RAB14: variants seen among roughly 807,000 people sequenced by gnomAD.
RAB14 encodes ras-related protein Rab-14.
RAB14 carries 3 observed loss-of-function variants against 31.1 expected under a neutral mutation model. The ratio of observed to expected loss-of-function variants is 0.10; its 90% CI spans 0.04 to 0.25. RAB14 has a LOEUF of 0.25. Ranked by LOEUF, RAB14 falls within the 10% of genes least tolerant of loss-of-function variation. The pLI is 1.00. For missense variants in RAB14, 111 were observed against 260.1 expected (o/e 0.43, Z 3.94); for synonymous variants, 85 against 84.9 (o/e 1.00, Z 0.00).
rs1287348001 is a variant in RAB14, at chr9:121,180,806, T to C, written c.*590A>G. 6.6e-6 allele frequency: 1 copy of C among 152,638 alleles called. No homozygotes were observed. Among genetic ancestry groups the C allele is most frequent in the African/African-American group, 2.4e-5 (1 of 41,448 alleles). 9.5% of individuals were successfully genotyped at this position (152,638 alleles called of 1,614,324 possible). A position where few individuals can be genotyped will look rare whatever the true frequency, so the allele number is the denominator to read the frequency against. On this transcript the variant is annotated 3_prime_UTR_variant, in exon 8 of 8. Transcript: ENST00000373840. Reference sequence around the variant, plus strand: ...TATAAAAAAAGATAAAGCTATTAATTAAGCACGAGAGAGAAGATAAATGGA... The same window carrying C: ...TATAAAAAAAGATAAAGCTATTAATCAAGCACGAGAGAGAAGATAAATGGA...
At chr9:121,200,919 C>T (rs1189542897) in intron 1 of RAB14, among the ~76,000 whole-genome samples, 2 of 152,228 alleles carry the variant, frequency 1.3e-5, no homozygotes, top group African/African-American at 4.8e-5. Context: ...GCTCTGTCGT[C>T]TTCTCTTAGA....
chr9:121,191,381 A>C (rs1050352609), intron 3 of RAB14, among the ~76,000 whole-genome samples: 8 of 152,066 alleles, frequency 5.3e-5, no homozygotes, highest in African/African-American at 1.9e-4. Context: ...TCTGTCACCC[A>C]TGTTGGAGTG....
In RAB14 at chr9:121,181,225, A is replaced by C; in HGVS notation, c.*171T>G. 3.3e-6 allele frequency: 2 copies of C among 601,396 alleles called. No homozygotes were observed. Among genetic ancestry groups the C allele is most frequent in the Non-Finnish European group, 5.2e-6 (2 of 384,564 alleles). The allele number at this position is 601,396 out of a possible 1,614,324, so 37.3% of individuals were successfully genotyped here. On this transcript the variant is annotated 3_prime_UTR_variant, in exon 8 of 8. Transcript: ENST00000373840. ...TACTTGCCTTTGATAACCTGATTAC[A>C]TCTAGTTGTTTAGCAGTTTAGTATT...
intron 5 of RAB14, 115 bp downstream of exon 5, chr9:121,186,838 A>G: frequency 1.8e-6 from 1 of 563,494 alleles, no homozygotes; most frequent in Middle Eastern, 4.8e-4. Context: ...AGAATACAAT[A>G]AAAATTCTCT....
Position 121,181,310 on chromosome 9 carries a change from G to T in RAB14, c.*86C>A. ...TTTTTTTAATTAAACCCAGTAAGAT[G>T]TACAGAAGACAATGAGGCAGTAAAA... On this transcript the variant is annotated 3_prime_UTR_variant, in exon 8 of 8. Coordinates refer to ENST00000373840, the MANE Select transcript of RAB14 (RefSeq NM_016322.4). The T allele has an allele frequency of 7.7e-7, 1 of 1,305,992 alleles. No individual in the cohort carries two copies. The highest frequency in any genetic ancestry group is 1.0e-6 in the Non-Finnish European group (1 of 967,558). The allele number at this position is 1,305,992 out of a possible 1,614,324, so 80.9% of individuals were successfully genotyped here. A position where few individuals can be genotyped will look rare whatever the true frequency, so the allele number is the denominator to read the frequency against.
Position 121,181,358 on chromosome 9 carries a change from G to C in RAB14, c.*38C>G. The C allele has an allele frequency of 1.3e-6, 2 of 1,532,418 alleles. No individual in the cohort carries two copies. Among genetic ancestry groups the C allele is most frequent in the Non-Finnish European group, 1.8e-6 (2 of 1,125,664 alleles). 94.9% of individuals were successfully genotyped at this position (1,532,418 alleles called of 1,614,324 possible). On this transcript the variant is annotated 3_prime_UTR_variant, in exon 8 of 8. Transcript: ENST00000373840. ...AAAAGTACTGCTTCCAACAGACAGA[G>C]GTGAAAGGTCAAATGAGGGGCCACA...
intron 7 of RAB14, among the ~76,000 whole-genome samples, chr9:121,182,217 A>G (rs1183297912): frequency 1.3e-5 from 2 of 152,242 alleles, no homozygotes; most frequent in South Asian, 2.1e-4. Flanking sequence ...AGGATACTCC[A>G]AACAGAAATG....
chr9:121,200,500 T>C (rs2053756743), intron 1 of RAB14, among the ~76,000 whole-genome samples: 1 of 152,230 alleles, frequency 6.6e-6, no homozygotes, highest in Admixed American at 6.5e-5. Context: ...TTCTTCTTCA[T>C]ATATGAAACT....
At position 121,179,015 on chromosome 9, in the gene RAB14, G is replaced by C. The variant is rs538609035; in HGVS notation, c.*2381C>G. On this transcript the variant is annotated 3_prime_UTR_variant, in exon 8 of 8. Coordinates refer to ENST00000373840, the MANE Select transcript of RAB14 (RefSeq NM_016322.4). ...CAGGGGATTACACATGCATATGATA[G>C]AATCTGGCTCCCGGTACAGTCAAAG... 3.9e-5 allele frequency: 6 copies of C among 152,348 alleles called. No homozygotes were observed. Among genetic ancestry groups the C allele is most frequent in the Admixed American group, 3.3e-4 (5 of 15,296 alleles). 9.4% of individuals were successfully genotyped at this position (152,348 alleles called of 1,614,324 possible).
At chr9:121,193,456 A>G (rs751274047) in intron 1 of RAB14, 37 bp from the exon 2 acceptor site, 2 of 1,351,836 alleles carry the variant, frequency 1.5e-6, no homozygotes, top group Non-Finnish European at 2.1e-6. Flanking sequence ...TCAGAAGGAA[A>G]GCATATACAA....
chr9:121,188,497 TATAA>T (rs1454420270), intron 4 of RAB14, among the ~76,000 whole-genome samples: 2 of 151,422 alleles, frequency 1.3e-5, no homozygotes, highest in African/African-American at 4.8e-5. Context: ...ATTTTAAATC[TATAA>T]ATAAATATTA....
In RAB14 at chr9:121,180,063, T is replaced by A. The variant is rs1307957682; in HGVS notation, c.*1333A>T. 1 of 152,666 alleles carries A rather than the reference T, an allele frequency of 6.6e-6. No homozygotes were observed. Among genetic ancestry groups the A allele is most frequent in the Non-Finnish European group, 1.5e-5 (1 of 68,040 alleles). The allele number at this position is 152,666 out of a possible 1,614,324, so 9.5% of individuals were successfully genotyped here. On this transcript the variant is annotated 3_prime_UTR_variant, in exon 8 of 8. Coordinates refer to ENST00000373840, the MANE Select transcript of RAB14 (RefSeq NM_016322.4). ...AACCACCTGGTGCAAAGTAATAACT[T>A]ACTTTGTATCAGCACAAGCGCTGAA... is the stretch of plus-strand genomic sequence containing the variant.
chr9:121,187,140 TCAGAA>T, intron 4 of RAB14, 121 bp from the exon 5 acceptor site: 1 of 540,322 alleles, frequency 1.9e-6, no homozygotes, highest in Non-Finnish European at 3.0e-6. Context: ...GACCAGTTAC[TCAGAA>T]CAGTAGTTGT....
chr9:121,193,579 A>T (rs1483824067), intron 1 of RAB14, among the ~76,000 whole-genome samples, 160 bp from the exon 2 acceptor site: 2 of 152,168 alleles, frequency 1.3e-5, no homozygotes, highest in Non-Finnish European at 2.9e-5. Context: ...CTGATCAAAT[A>T]CACAAATTCT....
Position 121,179,421 on chromosome 9 carries a change from T to G in RAB14, c.*1975A>C, listed in dbSNP as rs1216614130. On this transcript the variant is annotated 3_prime_UTR_variant, in exon 8 of 8. Coordinates refer to ENST00000373840, the MANE Select transcript of RAB14 (RefSeq NM_016322.4). ...CAAAAACAATAAAACCCACTGTAAC[T>G]AACTTTGGGAGTCAGGGTATTGCAC... The G allele has an allele frequency of 6.6e-6, 1 of 152,644 alleles. No homozygotes were observed. The highest frequency in any genetic ancestry group is 1.5e-5 in the Non-Finnish European group (1 of 68,030). 9.5% of individuals were successfully genotyped at this position (152,644 alleles called of 1,614,324 possible).
Position 121,183,302 on chromosome 9 carries a change from G to T in RAB14, c.439+9C>A. The stretch of plus-strand genomic sequence containing the variant: ...CCAATTGTGACCATTAAGTCTTAAA[G>T]AAACTCACCATTTTCTTCAGCAAAC... On this transcript the variant is annotated intron_variant, in intron 6 of 7. Transcript: ENST00000373840. 15 of 1,595,938 alleles carry T rather than the reference G, an allele frequency of 9.4e-6. No individual in the cohort carries two copies. Among genetic ancestry groups the T allele is most frequent in the Non-Finnish European group, 1.3e-5 (15 of 1,165,514 alleles).
In RAB14 at chr9:121,178,196, CG is replaced by C. The variant is rs2053607369; in HGVS notation, c.*3199del. Reference sequence around the variant, plus strand: ...TGGCTAGACGTGAACCGTTAAGATACGGGATCAATGGAGTTACAATAAAGAC... The same window carrying C: ...TGGCTAGACGTGAACCGTTAAGATACGGATCAATGGAGTTACAATAAAGAC... On this transcript the variant is annotated 3_prime_UTR_variant, in exon 8 of 8. Transcript: ENST00000373840. 1 of 152,090 alleles carries C rather than the reference CG, an allele frequency of 6.6e-6. No homozygotes were observed. The highest frequency in any genetic ancestry group is 1.5e-5 in the Non-Finnish European group (1 of 68,024). The allele number at this position is 152,090 out of a possible 1,614,324, so 9.4% of individuals were successfully genotyped here.
rs1048278249 is a variant in RAB14 at position 121,179,458 on chromosome 9, G to C, written c.*1938C>G. 1 of 152,544 alleles carries C rather than the reference G, an allele frequency of 6.6e-6. No individual in the cohort carries two copies. The highest frequency in any genetic ancestry group is 2.4e-5 in the African/African-American group (1 of 41,414). 9.4% of individuals were successfully genotyped at this position (152,544 alleles called of 1,614,324 possible). On this transcript the variant is annotated 3_prime_UTR_variant, in exon 8 of 8. Coordinates refer to ENST00000373840, the MANE Select transcript of RAB14 (RefSeq NM_016322.4). ...TCAGGGTATTGCACCTCAACAAGCC[G>C]CAGTCTTTAGTTTGTGATTGCTACC...
rs941674563 is a variant in RAB14, at chr9:121,192,091, A to C, written c.106+80T>G. On this transcript the variant is annotated intron_variant, in intron 3 of 7. Coordinates refer to ENST00000373840, the MANE Select transcript of RAB14 (RefSeq NM_016322.4). ...GGTTATATTTAAATGCATGAAGTAT[A>C]CTGAAAATGACACTTTCTAAAAAGT... 37 of 1,100,546 alleles carry C rather than the reference A, an allele frequency of 3.4e-5. No individual in the cohort carries two copies. The South Asian group carries it at 5.5e-4, about 16-fold the overall frequency. The allele number at this position is 1,100,546 out of a possible 1,614,324, so 68.2% of individuals were successfully genotyped here. A position where few individuals can be genotyped will look rare whatever the true frequency, so the allele number is the denominator to read the frequency against.
Sources: allele counts gnomAD v4.1 joint callset (sites outside exome capture counted in the v4.1 genomes callset), GRCh38; gene constraint gnomAD v4.1.1; transcripts MANE v1.5; gene names NCBI Gene and HGNC (gene_info 2026-07-23, HGNC 2026-07-21).